Variants in TASP1 observed in about 807,000 individuals in gnomAD.
TASP1 encodes the protein taspase 1, also known as threonine aspartase 1.
A neutral mutation model predicts 56.6 loss-of-function variants in TASP1; 16 were observed. That is an observed-to-expected ratio of 0.28 (90% CI 0.19 to 0.43). TASP1 has a LOEUF of 0.43. TASP1 is among the 20% of genes least tolerant of loss of function. The probability of loss-of-function intolerance (pLI) is 1.00; values close to 1 mark genes in which losing one functional copy is unlikely to be tolerated. For synonymous variants in TASP1, 179 were observed against 184.2 expected (o/e 0.97, Z 0.23); for missense variants, 393 against 511.6 (o/e 0.77, Z 2.24).
chr20:13,441,173 A>C (rs927103906), intron 11 of TASP1, among the ~76,000 whole-genome samples: 1 of 152,046 alleles, frequency 6.6e-6, no homozygotes, highest in Non-Finnish European at 1.5e-5. Flanking sequence ...CAAGACCCTC[A>C]ATGTATTCTC....
At chr20:13,633,929 T>C (rs113400491) in intron 1 of TASP1, among the ~76,000 whole-genome samples, 10 of 152,274 alleles carry the variant, frequency 6.6e-5, no homozygotes, top group African/African-American at 2.4e-4. Context: ...CTAGTAATGA[T>C]ATTAAAATTC....
intron 4 of TASP1, among the ~76,000 whole-genome samples, chr20:13,619,150 G>A (rs950331869): frequency 5.9e-5 from 9 of 151,948 alleles, no homozygotes; most frequent in Admixed American, 1.3e-4. Context: ...CGTCCACTTC[G>A]GCCTCCCAAA....
At chr20:13,127,190 C>A in the TASP1 span, among the ~76,000 whole-genome samples, 3 of 152,208 alleles carry the variant, frequency 2.0e-5, no homozygotes, top group African/African-American at 2.4e-5. Flanking sequence ...AATAAGCTTC[C>A]AGCCATTTCT....
the TASP1 span, chr20:13,288,681 C>T: frequency 6.2e-7 from 1 of 1,613,196 alleles, no homozygotes; most frequent in South Asian, 1.1e-5. Flanking sequence ...CCAAACTGCC[C>T]AGGTGCGTTT....
chr20:13,464,926 G>T (rs1183487110), intron 11 of TASP1, among the ~76,000 whole-genome samples: 1 of 152,084 alleles, frequency 6.6e-6, no homozygotes, highest in Non-Finnish European at 1.5e-5. Context: ...ACTTGGGAAA[G>T]CCGAGACAGG....
At chr20:13,297,068 A>T in the TASP1 span, among the ~76,000 whole-genome samples, 1 of 152,124 alleles carries the variant, frequency 6.6e-6, no homozygotes, top group African/African-American at 2.4e-5. Context: ...GTCCTGATCA[A>T]TCAGTGAGGA....
At position 13,402,299 on chromosome 20, in the gene TASP1, C is replaced by T. The variant is rs559604707; in HGVS notation, c.1171-11847G>A. 4.6e-5 allele frequency among the ~76,000 whole-genome samples: 7 copies of T among 152,326 alleles called. No individual in the cohort carries two copies. The South Asian group carries it at 1.0e-3, about 23-fold the overall frequency. On this transcript the variant is annotated intron_variant, in intron 13 of 13. Coordinates refer to ENST00000337743, the MANE Select transcript of TASP1 (RefSeq NM_017714.3). ...ATTACCAACGACTGTTAGAAATTAA[C>T]TTGAGGCTGAGGAAACTGTTTTTCA...
chr20:13,242,298 A>G, the TASP1 span, among the ~76,000 whole-genome samples: 1 of 152,194 alleles, frequency 6.6e-6, no homozygotes, highest in Non-Finnish European at 1.5e-5. Flanking sequence ...TGAACGGAGA[A>G]TGACCAGAAA....
chr20:13,299,535 G>A, the TASP1 span: 1,553 of 1,333,974 alleles, frequency 1.2e-3, 12 homozygotes, highest in South Asian at 9.1e-3. This position sits in a 1 kb window ranked among gnomAD's most constrained non-coding sequence, Gnocchi z 5.8. Flanking sequence ...GCCGACTGGC[G>A]CCGAGACCTT....
intron 9 of TASP1, among the ~76,000 whole-genome samples, chr20:13,531,083 T>C (rs961386781): frequency 2.1e-4 from 32 of 152,220 alleles, no homozygotes; most frequent in Non-Finnish European, 2.6e-4. Flanking sequence ...ACGTACTTGC[T>C]GAACATAGCA....
the TASP1 span, among the ~76,000 whole-genome samples, chr20:13,192,754 G>T: frequency 2.6e-5 from 4 of 151,420 alleles, no homozygotes; most frequent in Non-Finnish European, 4.4e-5. Context: ...GTAGAGAAAG[G>T]GTCTCACTAT....
the TASP1 span, among the ~76,000 whole-genome samples, chr20:13,286,231 T>G: frequency 6.6e-6 from 1 of 152,104 alleles, no homozygotes; most frequent in Admixed American, 6.5e-5. Context: ...CCTGGATGCT[T>G]CTCTGACAAG....
the TASP1 span, among the ~76,000 whole-genome samples, chr20:13,319,341 C>T: frequency 1.4e-4 from 21 of 152,172 alleles, no homozygotes; most frequent in Middle Eastern, 0.01. Flanking sequence ...CCTGGCAGCC[C>T]GGGTATTTCT....
At chr20:13,332,402 C>T in the TASP1 span, among the ~76,000 whole-genome samples, 1 of 152,144 alleles carries the variant, frequency 6.6e-6, no homozygotes, top group African/African-American at 2.4e-5. Context: ...TCTAAGTAAA[C>T]TTAAATTATA....
intron 13 of TASP1, chr20:13,393,251 G>C (rs1333478858): frequency 1.4e-6 from 1 of 740,332 alleles, no homozygotes. Context: ...GCCCCTCCGG[G>C]AAACTGTGGC....
chr20:13,499,326 G>C (rs1344592184), intron 10 of TASP1, among the ~76,000 whole-genome samples: 1 of 152,036 alleles, frequency 6.6e-6, no homozygotes, highest in Non-Finnish European at 1.5e-5. Flanking sequence ...GATTGATGGA[G>C]GGGTGCAAGG....
At chr20:13,341,468 G>T in the TASP1 span, among the ~76,000 whole-genome samples, 1 of 151,978 alleles carries the variant, frequency 6.6e-6, no homozygotes, top group South Asian at 2.1e-4. Flanking sequence ...CCTCTTTTCC[G>T]TAACATGAGG....
chr20:13,277,329 A>G, the TASP1 span, among the ~76,000 whole-genome samples: 2 of 152,174 alleles, frequency 1.3e-5, no homozygotes, highest in East Asian at 1.9e-4. Context: ...TTTCATTACC[A>G]TAATTGTGGG....
chr20:13,109,067 A>T, the TASP1 span, among the ~76,000 whole-genome samples: 1 of 152,254 alleles, frequency 6.6e-6, no homozygotes, highest in East Asian at 1.9e-4. Flanking sequence ...GCTAGGCTTA[A>T]ATGTTAAAAA....
Sources: allele counts gnomAD v4.1 joint callset (sites outside exome capture counted in the v4.1 genomes callset), GRCh38; gene constraint gnomAD v4.1.1; non-coding constraint Gnocchi (gnomAD v3.1); transcripts MANE v1.5; gene names NCBI Gene and HGNC (gene_info 2026-07-23, HGNC 2026-07-21).